FBXL4: variants seen among roughly 807,000 people sequenced by gnomAD.
FBXL4 encodes F-box and leucine rich repeat protein 4, also known as F-box/LRR-repeat protein 4.
Under a neutral mutation model 58.9 loss-of-function variants are expected in FBXL4, and 40 were observed. That is an observed-to-expected ratio of 0.68 (90% CI 0.53 to 0.88). FBXL4 has a LOEUF of 0.88. Among genes scored for constraint, FBXL4 ranks in the 40% least tolerant of loss-of-function variants. FBXL4 has a pLI of 0.00. For missense variants in FBXL4, 676 were observed against 734.4 expected (o/e 0.92, Z 0.92); for synonymous variants, 263 against 265.5 (o/e 0.99, Z 0.09).
At chr6:98,911,434 T>C (rs1772062553) in intron 5 of FBXL4, among the ~76,000 whole-genome samples, 1 of 152,086 alleles carries the variant, frequency 6.6e-6, no homozygotes, top group African/African-American at 2.4e-5. Context: ...CACCCTCCAG[T>C]AGGGGCAGAC....
intron 8 of FBXL4, among the ~76,000 whole-genome samples, chr6:98,876,930 A>G (rs1770683146): frequency 6.6e-6 from 1 of 152,160 alleles, no homozygotes; most frequent in Non-Finnish European, 1.5e-5. Context: ...CAAAGGAGTG[A>G]CATATTATTA....
At position 98,872,501 on chromosome 6, in the gene FBXL4, G is replaced by A. The variant is rs1770517907; in HGVS notation, c.*1777C>T. 6.6e-6 allele frequency: 1 copy of A among 151,986 alleles called. No homozygotes were observed. The highest frequency in any genetic ancestry group is 2.4e-5 in the African/African-American group (1 of 41,392). The allele number at this position is 151,986 out of a possible 1,614,324, so 9.4% of individuals were successfully genotyped here. ...CGAAACATTAACTTTGATCCTCCCT[G>A]TAAATATTTAATTCTTTTCATTAGT... On this transcript the variant is annotated 3_prime_UTR_variant, in exon 10 of 10. Transcript: ENST00000369244.
At chr6:98,905,983 G>A (rs1226185058) in intron 5 of FBXL4, among the ~76,000 whole-genome samples, 3 of 152,046 alleles carry the variant, frequency 2.0e-5, no homozygotes, top group South Asian at 4.1e-4. Flanking sequence ...CAGCTACTAC[G>A]TGCCAGACAC....
At chr6:98,908,098 TAC>T (rs1187258193) in intron 5 of FBXL4, among the ~76,000 whole-genome samples, 1 of 152,182 alleles carries the variant, frequency 6.6e-6, no homozygotes, top group Non-Finnish European at 1.5e-5. Context: ...TGTAAAATAT[TAC>T]ACAAACAAAA....
At chr6:98,939,075 CA>C (rs3068704) in intron 1 of FBXL4, among the ~76,000 whole-genome samples, 880 of 25,216 alleles carry the variant, frequency 0.035, 3 homozygotes, top group African/African-American at 0.057. Context: ...GACCTTGTCT[CA>C]AAAAAAAAAA....
At chr6:98,901,943 TAAAC>T (rs1422721096) in intron 6 of FBXL4, among the ~76,000 whole-genome samples, 2 of 152,142 alleles carry the variant, frequency 1.3e-5, no homozygotes, top group African/African-American at 4.8e-5. Context: ...CTAAGTCAGA[TAAAC>T]AATCCCAGAC....
At chr6:98,895,331 T>G (rs1364003685) in intron 7 of FBXL4, among the ~76,000 whole-genome samples, 3 of 152,202 alleles carry the variant, frequency 2.0e-5, no homozygotes, top group African/African-American at 7.2e-5. Context: ...AAATCCGTTT[T>G]CCTGCAGAAG....
chr6:98,888,265 T>G (rs1433070063), intron 7 of FBXL4, among the ~76,000 whole-genome samples: 1 of 152,232 alleles, frequency 6.6e-6, no homozygotes, highest in Non-Finnish European at 1.5e-5. Flanking sequence ...ATTAATGTAT[T>G]GTCTGTGACT....
chr6:98,874,568 A>G, intron 9 of FBXL4, 127 bp from the exon 10 acceptor site: 1 of 1,074,368 alleles, frequency 9.3e-7, no homozygotes, highest in Non-Finnish European at 1.3e-6. Flanking sequence ...TTTACAAATT[A>G]AAATCATTTT....
intron 7 of FBXL4, among the ~76,000 whole-genome samples, chr6:98,891,782 C>T (rs949214459): frequency 2.0e-5 from 3 of 151,028 alleles, no homozygotes; most frequent in African/African-American, 7.3e-5. Flanking sequence ...AGTCCTATAA[C>T]TTTAATTTGG....
intron 7 of FBXL4, among the ~76,000 whole-genome samples, chr6:98,889,424 G>A (rs919886425): frequency 1.3e-5 from 2 of 152,078 alleles, no homozygotes; most frequent in Non-Finnish European, 2.9e-5. Context: ...CTAAGAAAAT[G>A]ATTTCACTGC....
intron 7 of FBXL4, among the ~76,000 whole-genome samples, chr6:98,888,823 G>C (rs1018627914): frequency 2.0e-5 from 3 of 152,110 alleles, no homozygotes; most frequent in East Asian, 1.9e-4. Flanking sequence ...ACATACTCTA[G>C]GTGCATGCTG....
rs1423151326 is a variant in FBXL4 at position 98,875,746 on chromosome 6, C to A, written c.1390-19G>T. ...CTTCAATCTGGAAATCAAATAATTCCAATCTTTTACATGTTATGCTCAGAC... is the reference window on the plus strand; with the variant it reads ...CTTCAATCTGGAAATCAAATAATTCAAATCTTTTACATGTTATGCTCAGAC... On this transcript the variant is annotated intron_variant, in intron 8 of 9. Coordinates refer to ENST00000369244, the MANE Select transcript of FBXL4 (RefSeq NM_001278716.2). The A allele has an allele frequency of 1.2e-6, 2 of 1,607,896 alleles. No individual in the cohort carries two copies. The highest frequency in any genetic ancestry group is 4.5e-5 in the East Asian group (2 of 44,846).
At chr6:98,940,913 A>C (rs902611461) in intron 1 of FBXL4, among the ~76,000 whole-genome samples, 2 of 152,216 alleles carry the variant, frequency 1.3e-5, no homozygotes, top group Non-Finnish European at 2.9e-5. Flanking sequence ...GGAAGAGTTA[A>C]CTACAAATTA....
intron 7 of FBXL4, among the ~76,000 whole-genome samples, chr6:98,893,850 C>A (rs1029476221): frequency 6.6e-6 from 1 of 150,618 alleles, no homozygotes; most frequent in Non-Finnish European, 1.5e-5. Context: ...AAGTTTTTTT[C>A]AAGTATTTAA....
chr6:98,936,670 T>C (rs1422210602), intron 1 of FBXL4, among the ~76,000 whole-genome samples: 2 of 152,194 alleles, frequency 1.3e-5, no homozygotes, highest in African/African-American at 2.4e-5. Context: ...GAATACAGTA[T>C]ACAATACATA....
At position 98,935,795 on chromosome 6, in the gene FBXL4, C is replaced by CAAAAA. The variant is rs372124984; in HGVS notation, c.-308-921_-308-917dup. On this transcript the variant is annotated intron_variant, in intron 1 of 9. Coordinates refer to ENST00000369244, the MANE Select transcript of FBXL4 (RefSeq NM_001278716.2). ...TGGGCGACAGAGCGAGACTCCGTCT[C>CAAAAA]AAAAAAAAAAAAAGAATAAGGCATC... Among the ~76,000 whole-genome samples, 6 of 117,672 alleles carry CAAAAA rather than the reference C, an allele frequency of 5.1e-5. 2 individuals are homozygous for CAAAAA. Among genetic ancestry groups the CAAAAA allele is most frequent in the Middle Eastern group, 4.1e-3 (1 of 244 alleles). The allele number at this position is 117,672 out of a possible 152,430, so 77.2% of individuals were successfully genotyped here.
intron 7 of FBXL4, among the ~76,000 whole-genome samples, chr6:98,883,883 C>G (rs1191045290): frequency 2.6e-5 from 4 of 151,378 alleles, no homozygotes; most frequent in African/African-American, 7.3e-5. Context: ...TTTGCTCTTT[C>G]ATGTGAACTT....
chr6:98,924,213 G>A (rs1179220323), intron 4 of FBXL4, among the ~76,000 whole-genome samples: 1 of 152,056 alleles, frequency 6.6e-6, no homozygotes, highest in Non-Finnish European at 1.5e-5. Flanking sequence ...GAAAAAAGTA[G>A]GTAACTTTGT....
Sources: allele counts gnomAD v4.1 joint callset (sites outside exome capture counted in the v4.1 genomes callset), GRCh38; gene constraint gnomAD v4.1.1; transcripts MANE v1.5; gene names NCBI Gene and HGNC (gene_info 2026-07-23, HGNC 2026-07-21).